FRMD4B: variants seen among roughly 807,000 people sequenced by gnomAD.
The protein encoded by FRMD4B is FERM domain containing 4B, also known as FERM domain-containing protein 4B.
A neutral mutation model predicts 141.5 loss-of-function variants in FRMD4B; 74 were observed. The observed-to-expected ratio is 0.52, with a 90% confidence interval of 0.43 to 0.63. FRMD4B has a LOEUF of 0.63. FRMD4B is among the 30% of genes least tolerant of loss of function. The pLI, the probability that FRMD4B is intolerant of heterozygous loss-of-function variation, is 0.00. For missense variants in FRMD4B, 1,366 were observed against 1,253.4 expected (o/e 1.09, Z -1.36); for synonymous variants, 506 against 467.9 (o/e 1.08, Z -1.05).
chr3:69,385,434 G>T (rs561447867), intron 1 of FRMD4B, among the ~76,000 whole-genome samples: 142 of 152,252 alleles, frequency 9.3e-4, no homozygotes, highest in Non-Finnish European at 1.4e-3. Context: ...CCAGCAAATT[G>T]GTGTGAAACC....
intron 1 of FRMD4B, among the ~76,000 whole-genome samples, chr3:69,369,207 CTT>C (rs1288675766): frequency 6.6e-6 from 1 of 152,130 alleles, no homozygotes; most frequent in Non-Finnish European, 1.5e-5. Context: ...TCTGGAAAAA[CTT>C]CAGATACACA....
At chr3:69,531,157 T>C (rs1701004248) in intron 1 of FRMD4B, among the ~76,000 whole-genome samples, 1 of 152,174 alleles carries the variant, frequency 6.6e-6, no homozygotes, top group Non-Finnish European at 1.5e-5. Context: ...TTAGCCAAGA[T>C]TATAATGTAT....
In FRMD4B at chr3:69,195,105, T is replaced by C. The variant is rs1203203615; in HGVS notation, c.1405A>G (p.Asn469Asp). Residue 469 changes from asparagine to aspartate, a missense_variant, in exon 16 of 23, where the codon AAC becomes GAC. Asn to Asp is a conservative substitution (Grantham distance 23). Coordinates refer to ENST00000398540, the MANE Select transcript of FRMD4B (RefSeq NM_015123.3). ...ACCTGAGGAGGCTTCTCGCCTATGT[T>C]CAGGGGATACTCCTTTGGCATTTTG... Reference protein sequence around the residue: ...TGKMPKEYPLNIGEKPPQVRR... With the variant: ...TGKMPKEYPLDIGEKPPQVRR... 2 of 1,613,982 alleles carry C rather than the reference T, an allele frequency of 1.2e-6. No individual in the cohort carries two copies. The highest frequency in any genetic ancestry group is 2.2e-5 in the South Asian group (2 of 91,082).
At chr3:69,313,989 A>C (rs1271650387) in intron 1 of FRMD4B, among the ~76,000 whole-genome samples, 1 of 147,990 alleles carries the variant, frequency 6.8e-6, no homozygotes, top group Admixed American at 6.7e-5. Flanking sequence ...AATACAAAAA[A>C]TTAGCCGGGC....
chr3:69,393,329 C>CAAA (rs3032132), intron 2 of FRMD4B, among the ~76,000 whole-genome samples: 72,135 of 125,628 alleles, frequency 0.57, 20,697 homozygotes, highest in Non-Finnish European at 0.68. Flanking sequence ...TGAAGAAGTA[C>CAAA]AAAAAAAAAA....
rs145150102 is a variant in FRMD4B, at chr3:69,197,116, G to C, written c.954-78C>G. Reference sequence around the variant, plus strand: ...CAAAATGTACCCTGCGAGCAGCATTGTAACAAAGCATGTTCCTCTTACCTG... The same window carrying C: ...CAAAATGTACCCTGCGAGCAGCATTCTAACAAAGCATGTTCCTCTTACCTG... On this transcript the variant is annotated intron_variant, in intron 12 of 22. Transcript: ENST00000398540. 516 of 1,214,634 alleles carry C rather than the reference G, an allele frequency of 4.2e-4. 2 individuals are homozygous for C. In the African/African-American group the frequency reaches 6.8e-3, roughly 16 times the overall value. The allele number at this position is 1,214,634 out of a possible 1,614,324, so 75.2% of individuals were successfully genotyped here.
intron 1 of FRMD4B, among the ~76,000 whole-genome samples, chr3:69,439,020 T>C (rs1393067752): frequency 1.3e-5 from 2 of 151,780 alleles, no homozygotes; most frequent in African/African-American, 4.9e-5. Context: ...CAACCATTAT[T>C]CTGAATTTGG....
chr3:69,249,972 A>G, intron 6 of FRMD4B, 71 bp downstream of exon 6: 1 of 981,536 alleles, frequency 1.0e-6, no homozygotes, highest in Non-Finnish European at 1.6e-6. Flanking sequence ...CAAAAGTTTC[A>G]GAGTTGCAGG....
intron 17 of FRMD4B, among the ~76,000 whole-genome samples, chr3:69,190,969 G>C (rs1157903267): frequency 6.6e-6 from 1 of 152,210 alleles, no homozygotes; most frequent in Non-Finnish European, 1.5e-5. Flanking sequence ...GCTGGGGTGA[G>C]GCGTTAGAAT....
chr3:69,451,004 T>C (rs541276814), intron 1 of FRMD4B, among the ~76,000 whole-genome samples: 16 of 152,294 alleles, frequency 1.1e-4, no homozygotes, highest in Non-Finnish European at 1.5e-4. Flanking sequence ...GAGTTTTAGA[T>C]TATGTACAAG....
rs1326219235 is a variant in FRMD4B at position 69,266,783 on chromosome 3, C to T, written c.502-16684G>A. 2.0e-5 allele frequency among the ~76,000 whole-genome samples: 3 copies of T among 152,068 alleles called. No individual in the cohort carries two copies. In the East Asian group the frequency reaches 5.8e-4, roughly 29 times the overall value. On this transcript the variant is annotated intron_variant, in intron 5 of 22. Coordinates refer to ENST00000398540, the MANE Select transcript of FRMD4B (RefSeq NM_015123.3). The stretch of plus-strand genomic sequence containing the variant: ...CTTAGGTAAGATCACCACTGGAGGC[C>T]AAGATCATTGGGTCAAAGACTGTTA...
At chr3:69,319,867 G>T (rs993396992) in intron 1 of FRMD4B, among the ~76,000 whole-genome samples, 28 of 152,158 alleles carry the variant, frequency 1.8e-4, no homozygotes, top group African/African-American at 6.8e-4. Context: ...AACTTCCCAC[G>T]CAGCCCATTT....
intron 1 of FRMD4B, among the ~76,000 whole-genome samples, chr3:69,531,961 AC>A (rs1248794766): frequency 3.3e-5 from 5 of 152,222 alleles, no homozygotes; most frequent in Non-Finnish European, 7.3e-5. Flanking sequence ...GGTATATAAA[AC>A]ACTACACTAC....
chr3:69,380,025 A>G (rs554110129), intron 1 of FRMD4B, among the ~76,000 whole-genome samples: 1 of 152,362 alleles, frequency 6.6e-6, no homozygotes, highest in South Asian at 2.1e-4. Context: ...ACAAGGGCTC[A>G]ATAGGGAATT....
intron 1 of FRMD4B, among the ~76,000 whole-genome samples, chr3:69,522,935 C>G (rs527720757): frequency 6.6e-6 from 1 of 152,214 alleles, no homozygotes; most frequent in East Asian, 1.9e-4. Context: ...CAGAGATAAT[C>G]AAGAGGTTGC....
At chr3:69,198,668 G>T in intron 12 of FRMD4B, 30 bp downstream of exon 12, 1 of 1,101,906 alleles carries the variant, frequency 9.1e-7, no homozygotes, top group Non-Finnish European at 1.4e-6. Context: ...TAGTAACTGT[G>T]TCATACAGAG....
intron 1 of FRMD4B, among the ~76,000 whole-genome samples, chr3:69,315,703 C>T (rs890454820): frequency 2.0e-5 from 3 of 152,126 alleles, no homozygotes; most frequent in Non-Finnish European, 2.9e-5. Flanking sequence ...TGTGGATACA[C>T]GATAATTGAA....
intron 1 of FRMD4B, among the ~76,000 whole-genome samples, chr3:69,352,838 CCTT>C (rs1413774771): frequency 1.3e-5 from 2 of 152,260 alleles, no homozygotes; most frequent in East Asian, 1.9e-4. Flanking sequence ...ATTCAATTTT[CCTT>C]CTTCTTTCTG....
At chr3:69,497,150 T>C (rs1438067322) in intron 1 of FRMD4B, among the ~76,000 whole-genome samples, 1 of 152,158 alleles carries the variant, frequency 6.6e-6, no homozygotes, top group African/African-American at 2.4e-5. Context: ...TTCTGCCAAG[T>C]AGCTATCCCA....
Sources: gnomAD v4.1 joint callset for allele counts (sites outside exome capture counted in the v4.1 genomes callset) on GRCh38, gnomAD v4.1.1 for gene constraint, MANE v1.5 for transcripts, NCBI Gene and HGNC (gene_info 2026-07-23, HGNC 2026-07-21) for gene names.